DNAJC1: variants seen among roughly 807,000 people sequenced by gnomAD.
DNAJC1 encodes dnaJ homolog subfamily C member 1.
DNAJC1 carries 58 observed loss-of-function variants against 76.6 expected under a neutral mutation model. That is an observed-to-expected ratio of 0.76 (90% CI 0.61 to 0.94). The LOEUF is 0.94. DNAJC1 is among the 40% of genes least tolerant of loss of function. DNAJC1 has a pLI of 0.00. For synonymous variants in DNAJC1, 258 were observed against 267.9 expected, an observed-to-expected ratio of 0.96 and a Z score of 0.36; for missense variants, 689 against 677.3, an observed-to-expected ratio of 1.02 and a Z score of -0.19.
intron 9 of DNAJC1, among the ~76,000 whole-genome samples, chr10:21,771,388 G>T (rs920299636): frequency 1.3e-5 from 2 of 152,188 alleles, no homozygotes; most frequent in Non-Finnish European, 2.9e-5. Context: ...TCTTTCACCA[G>T]TAAACATGGT....
chr10:21,766,758 G>A (rs530680405), intron 9 of DNAJC1, among the ~76,000 whole-genome samples: 4 of 152,146 alleles, frequency 2.6e-5, no homozygotes, highest in African/African-American at 9.6e-5. Context: ...ATCACTTGAG[G>A]TCAGGAGTTC....
chr10:21,854,367 A>C (rs1185590831), intron 8 of DNAJC1, among the ~76,000 whole-genome samples: 1 of 151,838 alleles, frequency 6.6e-6, no homozygotes, highest in Non-Finnish European at 1.5e-5. Flanking sequence ...AAAAAAAAAA[A>C]AAACTGTTTC....
chr10:21,816,998 C>T (rs1004240359), intron 8 of DNAJC1, among the ~76,000 whole-genome samples: 2 of 128,134 alleles, frequency 1.6e-5, no homozygotes, highest in African/African-American at 5.7e-5. Context: ...ACTAAAAATA[C>T]AAAAAAAAAA....
At chr10:21,816,247 C>T (rs1023789224) in intron 8 of DNAJC1, among the ~76,000 whole-genome samples, 1 of 151,672 alleles carries the variant, frequency 6.6e-6, no homozygotes, top group African/African-American at 2.4e-5. Flanking sequence ...GTAATCCCAG[C>T]TACTTGGGTG....
intron 8 of DNAJC1, among the ~76,000 whole-genome samples, chr10:21,831,409 GCTATTGTTA>G (rs1275455914): frequency 6.6e-6 from 1 of 152,136 alleles, no homozygotes; most frequent in East Asian, 1.9e-4. Context: ...CTGGTTTTGA[GCTATTGTTA>G]CTGGTACCAA....
chr10:21,822,467 AATAAAAT>A lies in DNAJC1; in HGVS notation c.979-16375_979-16369del, dbSNP rs1216136977. On this transcript the variant is annotated intron_variant, in intron 8 of 11. Transcript: ENST00000376980. ...TAAATAAATAAATAAATAAATGAATAATAAAATAAATAAATAAATAAATACATGGAGA... is the reference window on the plus strand; with the variant it reads ...TAAATAAATAAATAAATAAATGAATAAAATAAATAAATAAATACATGGAGA... Among the ~76,000 whole-genome samples, 97 of 151,168 alleles carry A rather than the reference AATAAAAT, an allele frequency of 6.4e-4. No homozygotes were observed. The East Asian group carries it at 7.9e-3, about 12-fold the overall frequency.
intron 8 of DNAJC1, among the ~76,000 whole-genome samples, chr10:21,844,592 C>G (rs761638758): frequency 5.9e-5 from 9 of 152,056 alleles, no homozygotes; most frequent in Non-Finnish European, 8.8e-5. Flanking sequence ...ATTTTTGATC[C>G]TATTAATCAT....
chr10:21,786,949 C>A (rs1227227182), intron 9 of DNAJC1, among the ~76,000 whole-genome samples: 1 of 152,096 alleles, frequency 6.6e-6, no homozygotes, highest in Non-Finnish European at 1.5e-5. Context: ...ATAATATTAA[C>A]AACCTTATGC....
intron 7 of DNAJC1, among the ~76,000 whole-genome samples, chr10:21,898,005 T>C (rs1470363940): frequency 2.0e-5 from 3 of 152,174 alleles, no homozygotes; most frequent in Non-Finnish European, 4.4e-5. Flanking sequence ...TTAGCACTAA[T>C]AAGTAAATTC....
chr10:21,862,090 G>A (rs765175217), intron 8 of DNAJC1, among the ~76,000 whole-genome samples: 87 of 151,664 alleles, frequency 5.7e-4, no homozygotes, highest in Non-Finnish European at 1.1e-3. Flanking sequence ...GGCTAATTTT[G>A]TATTTTTAGT....
chr10:21,855,668 A>G (rs536285749), intron 8 of DNAJC1, among the ~76,000 whole-genome samples: 84 of 152,204 alleles, frequency 5.5e-4, no homozygotes, highest in Admixed American at 2.6e-3. Context: ...TACATTTAGA[A>G]GCTTAAAAAA....
intron 10 of DNAJC1, 152 bp downstream of exon 10, chr10:21,766,109 C>T (rs1012648320): frequency 1.4e-5 from 9 of 660,456 alleles, no homozygotes; most frequent in Non-Finnish European, 1.9e-5. Context: ...CTTGCTGGTG[C>T]CCGTATTTCA....
chr10:21,937,774 A>C (rs1173625935), intron 1 of DNAJC1, among the ~76,000 whole-genome samples: 1 of 152,172 alleles, frequency 6.6e-6, no homozygotes, highest in East Asian at 1.9e-4. Context: ...ATCTTCTCCA[A>C]CCATAATGAA....
intron 8 of DNAJC1, among the ~76,000 whole-genome samples, chr10:21,855,103 C>A (rs1225700660): frequency 2.0e-5 from 3 of 151,978 alleles, no homozygotes; most frequent in Non-Finnish European, 4.4e-5. Context: ...AAAAGTTCTA[C>A]CTCTAATAGA....
In DNAJC1 at chr10:21,759,364, G is replaced by A. The variant is rs1409485085; in HGVS notation, c.1402C>T (p.Gln468Ter). The stretch of plus-strand genomic sequence containing the variant: ...TGTTCTGCTATGTCAAAGTCCTTCT[G>A]CCGCTTGGCTCTGGACTTCTCCTCT... ...EPEEKSRAKR[Q>*]KDFDIAEQNE... Residue 468 changes from glutamine (Q) to a stop codon, truncating the protein, a stop_gained, in exon 11 of 12, where the codon CAG (glutamine) becomes TAG (stop). Coordinates refer to ENST00000376980, the MANE Select transcript of DNAJC1 (RefSeq NM_022365.4). LOFTEE classifies it high-confidence loss of function. 6 of 1,614,056 alleles carry A rather than the reference G, an allele frequency of 3.7e-6. No homozygotes were observed. The highest frequency in any genetic ancestry group is 5.1e-6 in the Non-Finnish European group (6 of 1,180,042).
intron 7 of DNAJC1, among the ~76,000 whole-genome samples, chr10:21,901,541 T>C (rs566524842): frequency 6.6e-6 from 1 of 152,282 alleles, no homozygotes; most frequent in East Asian, 1.9e-4. Flanking sequence ...ATTTCCCAAA[T>C]ATATATCAAC....
intron 8 of DNAJC1, among the ~76,000 whole-genome samples, chr10:21,829,603 C>T (rs1366465710): frequency 2.0e-5 from 3 of 152,200 alleles, no homozygotes; most frequent in East Asian, 1.9e-4. Flanking sequence ...CCACCTGCCT[C>T]GGCCTCCCCA....
At position 21,857,387 on chromosome 10, in the gene DNAJC1, A is replaced by C. The variant is rs547230869; in HGVS notation, c.978+24895T>G. 3.3e-5 allele frequency among the ~76,000 whole-genome samples: 5 copies of C among 152,222 alleles called. No homozygotes were observed. The South Asian group carries it at 1.0e-3, about 32-fold the overall frequency. On this transcript the variant is annotated intron_variant, in intron 8 of 11. Coordinates refer to ENST00000376980, the MANE Select transcript of DNAJC1 (RefSeq NM_022365.4). ...TAAGCAGGGAAGACATGTTTCTTGG[A>C]ATTTTAGGGCTTTTCCAAGGTTCTA...
In DNAJC1 at chr10:21,929,113, G is replaced by A; in HGVS notation, c.251C>T (p.Ala84Val). The A allele has an allele frequency of 1.2e-6, 2 of 1,612,274 alleles. No homozygotes were observed. Among genetic ancestry groups the A allele is most frequent in the Non-Finnish European group, 1.7e-6 (2 of 1,179,516 alleles). The change falls in exon 2 of 12, where the codon GCA becomes GTA. Residue 84 changes from alanine (A) to valine (V), a missense_variant. Coordinates refer to ENST00000376980, the MANE Select transcript of DNAJC1 (RefSeq NM_022365.4). ...TAAAGTTAGTGAAAGCTTACGATAT[G>A]CTTTTCTGATGTCTGCAGATGATGC... ...QDASSADIRK[A>V]YRKLSLTLHP...
Sources: allele counts gnomAD v4.1 joint callset (sites outside exome capture counted in the v4.1 genomes callset), GRCh38; gene constraint gnomAD v4.1.1; transcripts MANE v1.5; gene names NCBI Gene and HGNC (gene_info 2026-07-23, HGNC 2026-07-21).